ARMH3: variants seen among roughly 807,000 people sequenced by gnomAD.
ARMH3 encodes armadillo like helical domain containing 3, also known as armadillo-like helical domain-containing protein 3.
ARMH3 carries 60 observed loss-of-function variants against 99.1 expected under a neutral mutation model. The ratio of observed to expected loss-of-function variants is 0.61; its 90% CI spans 0.49 to 0.75. The LOEUF (loss-of-function observed/expected upper bound fraction) is 0.75. Ranked by LOEUF, ARMH3 falls within the 30% of genes least tolerant of loss-of-function variation. The pLI, the probability that ARMH3 is intolerant of heterozygous loss-of-function variation, is 0.00. For missense variants in ARMH3, 679 were observed against 843.1 expected, an observed-to-expected ratio of 0.81 and a Z score of 2.41; for synonymous variants, 285 against 292.8, an observed-to-expected ratio of 0.97 and a Z score of 0.27.
At chr10:102,043,408 G>C (rs1236292370) in intron 1 of ARMH3, among the ~76,000 whole-genome samples, 1 of 152,128 alleles carries the variant, frequency 6.6e-6, no homozygotes, top group African/African-American at 2.4e-5. Context: ...TATATAAAAA[G>C]CACCTAAAGC....
chr10:102,030,552 T>C (rs1288776763), intron 4 of ARMH3, among the ~76,000 whole-genome samples: 1 of 151,804 alleles, frequency 6.6e-6, no homozygotes, highest in Non-Finnish European at 1.5e-5. Context: ...CTATTAAAAA[T>C]ACAAAAAATT....
At chr10:102,030,813 ACT>A (rs1302962638) in intron 4 of ARMH3, among the ~76,000 whole-genome samples, 2 of 151,746 alleles carry the variant, frequency 1.3e-5, no homozygotes, top group Non-Finnish European at 2.9e-5. Context: ...ACGGAGTCTC[ACT>A]CTGTCACCCA....
intron 23 of ARMH3, among the ~76,000 whole-genome samples, chr10:101,899,587 T>C (rs1234579343): frequency 2.6e-5 from 4 of 152,206 alleles, no homozygotes. Context: ...GCAATTTCCC[T>C]TGATGCCTGT....
chr10:101,857,430 G>GTT (rs1332885397), intron 24 of ARMH3, among the ~76,000 whole-genome samples: 1 of 152,082 alleles, frequency 6.6e-6, no homozygotes, highest in African/African-American at 2.4e-5. Flanking sequence ...CCTGGCAACA[G>GTT]TGAGACTCCA....
chr10:101,932,405 C>T (rs117834738), intron 23 of ARMH3, among the ~76,000 whole-genome samples: 345 of 152,300 alleles, frequency 2.3e-3, no homozygotes, highest in Non-Finnish European at 3.9e-3. Flanking sequence ...AGCAATAACA[C>T]TTCTGGGTAC....
intron 19 of ARMH3, among the ~76,000 whole-genome samples, chr10:101,988,446 A>T (rs919094845): frequency 1.3e-5 from 2 of 152,208 alleles, no homozygotes; most frequent in African/African-American, 4.8e-5. Flanking sequence ...CTGAACACTC[A>T]TCTGTTAAGT....
chr10:102,026,946 A>G (rs1315801367), intron 5 of ARMH3, among the ~76,000 whole-genome samples: 3 of 152,218 alleles, frequency 2.0e-5, no homozygotes, highest in Non-Finnish European at 4.4e-5. Flanking sequence ...AGTGCCTACC[A>G]CAGTACCTGG....
rs762463034 is a variant in ARMH3 at position 101,889,451 on chromosome 10, G to A, written c.1821C>T (p.Tyr607=). The A allele has an allele frequency of 2.0e-5, 33 of 1,613,908 alleles. No homozygotes were observed. Among genetic ancestry groups the A allele is most frequent in the Middle Eastern group, 3.3e-4 (2 of 6,084 alleles). Residue 607 remains tyrosine (Y), a synonymous_variant, in exon 24 of 26, where the codon TAC becomes TAT. Coordinates refer to ENST00000370033, the MANE Select transcript of ARMH3 (RefSeq NM_024541.3). ...INHFNPKIES[Y]AAVNHISQLS... ...GTTGGGATATGTGATTCACAGCAGC[G>A]TAGGACTCAATTTTGGGGTTAAAGT...
At chr10:101,987,299 C>T (rs1264724382) in intron 19 of ARMH3, among the ~76,000 whole-genome samples, 2 of 152,122 alleles carry the variant, frequency 1.3e-5, no homozygotes, top group East Asian at 1.9e-4. Flanking sequence ...TGCTGGTCCC[C>T]TACGTGGTAT....
At chr10:101,970,390 G>T (rs756558141) in intron 20 of ARMH3, among the ~76,000 whole-genome samples, 3 of 152,124 alleles carry the variant, frequency 2.0e-5, no homozygotes, top group Non-Finnish European at 2.9e-5. Flanking sequence ...CATCCTACTG[G>T]GTTCTATTAT....
intron 2 of ARMH3, among the ~76,000 whole-genome samples, chr10:102,035,142 C>G (rs1016609847): frequency 1.3e-5 from 2 of 151,896 alleles, no homozygotes; most frequent in Non-Finnish European, 2.9e-5. Context: ...AGGCTGAGTC[C>G]GAGGCGCCCG....
chr10:101,859,733 A>G (rs1589917018), intron 24 of ARMH3, among the ~76,000 whole-genome samples: 1 of 152,368 alleles, frequency 6.6e-6, no homozygotes, highest in East Asian at 1.9e-4. Context: ...AGGTTCAAAG[A>G]GTTGCTGAGC....
intron 20 of ARMH3, among the ~76,000 whole-genome samples, chr10:101,958,650 A>G (rs915728842): frequency 2.0e-5 from 3 of 151,648 alleles, no homozygotes; most frequent in African/African-American, 7.3e-5. Flanking sequence ...CTTCTCCCCC[A>G]CAAACCCCCA....
rs560790052 is a variant in ARMH3 at position 101,879,516 on chromosome 10, A to AT, written c.1860+9895dup. On this transcript the variant is annotated intron_variant, in intron 24 of 25. Coordinates refer to ENST00000370033, the MANE Select transcript of ARMH3 (RefSeq NM_024541.3). ...AGGTGCCCACCACCACGCCTTGCTAATTTTTTTGTATTTTTAGTAGAGATG... is the reference window on the plus strand; with the variant it reads ...AGGTGCCCACCACCACGCCTTGCTAATTTTTTTTGTATTTTTAGTAGAGATG... Among the ~76,000 whole-genome samples, 30 of 151,666 alleles carry AT rather than the reference A, an allele frequency of 2.0e-4. No homozygotes were observed. In the South Asian group the frequency reaches 4.0e-3, roughly 20 times the overall value.
chr10:102,040,166 C>T lies in ARMH3; in HGVS notation c.-11-41G>A, dbSNP rs771850937. ...CACATTTTAGAATAGTGAAAATACT[C>T]AGTATGATACTATAATGGCAGATAT... is the stretch of plus-strand genomic sequence containing the variant. On this transcript the variant is annotated intron_variant, in intron 1 of 25. Coordinates refer to ENST00000370033, the MANE Select transcript of ARMH3 (RefSeq NM_024541.3). The T allele has an allele frequency of 3.4e-6, 5 of 1,472,888 alleles. No individual in the cohort carries two copies. In the South Asian group the frequency reaches 4.5e-5, roughly 13 times the overall value. 91.2% of individuals were successfully genotyped at this position (1,472,888 alleles called of 1,614,324 possible).
intron 23 of ARMH3, among the ~76,000 whole-genome samples, chr10:101,910,518 T>A (rs1842819573): frequency 6.6e-6 from 1 of 151,654 alleles, no homozygotes; most frequent in Non-Finnish European, 1.5e-5. Flanking sequence ...TCACTTGAGG[T>A]CAGGAGTTCG....
chr10:101,936,831 T>C (rs1007234759), intron 23 of ARMH3, among the ~76,000 whole-genome samples: 1 of 152,142 alleles, frequency 6.6e-6, no homozygotes, highest in African/African-American at 2.4e-5. Flanking sequence ...ACCCTAAAAA[T>C]GAAGGGAATT....
intron 24 of ARMH3, among the ~76,000 whole-genome samples, chr10:101,861,249 T>C (rs774557341): frequency 1.3e-5 from 2 of 152,200 alleles, no homozygotes; most frequent in Non-Finnish European, 2.9e-5. Context: ...AGAGTTCACA[T>C]TGCTTGCCAG....
At chr10:101,984,762 G>A (rs1345577695) in intron 19 of ARMH3, among the ~76,000 whole-genome samples, 1 of 151,872 alleles carries the variant, frequency 6.6e-6, no homozygotes, top group African/African-American at 2.4e-5. Flanking sequence ...CACTGCTATG[G>A]CCTTAAAAAT....
Sources: allele counts gnomAD v4.1 joint callset (sites outside exome capture counted in the v4.1 genomes callset), GRCh38; gene constraint gnomAD v4.1.1; transcripts MANE v1.5; gene names NCBI Gene and HGNC (gene_info 2026-07-23, HGNC 2026-07-21).